Variants in ZNF324B observed in about 807,000 individuals in gnomAD.
ZNF324B encodes zinc finger protein 324B.
In ZNF324B, 7 loss-of-function variants were observed where a neutral mutation model predicts 10.6. The observed-to-expected ratio is 0.66, with a 90% CI of 0.38 to 1.24. ZNF324B has a LOEUF of 1.24. ZNF324B is among the 50% of genes most tolerant of loss of function. The probability of loss-of-function intolerance (pLI) is 0.02; values close to 1 mark genes in which losing one functional copy is unlikely to be tolerated. For missense variants in ZNF324B, 640 were observed against 764.7 expected (o/e 0.84, Z 1.92); for synonymous variants, 316 against 321.0 (o/e 0.98, Z 0.17).
chr19:58,447,094 G>A (rs1212549779), upstream of ZNF324B, among the ~76,000 whole-genome samples: 2 of 152,046 alleles, frequency 1.3e-5, no homozygotes, highest in Non-Finnish European at 2.9e-5. Context: ...TTCTGTCTCA[G>A]CCTCCCAAAT....
At chr19:58,447,482 GTATT>G (rs2052833175), upstream of ZNF324B, among the ~76,000 whole-genome samples, 1 of 152,140 alleles carries the variant, frequency 6.6e-6, no homozygotes, top group African/African-American at 2.4e-5. Flanking sequence ...ATTTTTCTAA[GTATT>G]AAGTAATTAA....
chr19:58,456,320 G>T lies in ZNF324B; in HGVS notation c.1376G>T (p.Gly459Val), dbSNP rs2052921122. ...GERPFRCVDC[G>V]KGFAKGAVLL... ...CGGCCCTTCCGCTGCGTGGACTGTG[G>T]CAAGGGTTTCGCCAAGGGCGCCGTG... The change falls in exon 4 of 4, where the codon GGC becomes GTC. Residue 459 changes from glycine to valine, a missense_variant. Gly to Val is a moderately radical substitution (Grantham distance 109, BLOSUM62 -3). This residue lies in a region of ZNF324B where 238 missense variants were observed against 258.0 expected (regional missense o/e 0.92). Coordinates refer to ENST00000336614, the MANE Select transcript of ZNF324B (RefSeq NM_207395.3). This position sits in a 1 kb window ranked among gnomAD's most constrained non-coding sequence, Gnocchi z 4.7. 1 of 1,612,730 alleles carries T rather than the reference G, an allele frequency of 6.2e-7. No homozygotes were observed. The highest frequency in any genetic ancestry group is 1.3e-5 in the African/African-American group (1 of 74,942).
the ZNF324B span, chr19:58,439,759 C>T: frequency 1.3e-6 from 2 of 1,538,040 alleles, no homozygotes; most frequent in East Asian, 5.1e-5. Flanking sequence ...CTCCACTTAC[C>T]TGCGCCGGGC....
chr19:58,421,901 A>T, the ZNF324B span, among the ~76,000 whole-genome samples: 1 of 152,080 alleles, frequency 6.6e-6, no homozygotes, highest in African/African-American at 2.4e-5. Context: ...GATTCAATGC[A>T]GTCCCAATAA....
At chr19:58,427,682 G>A in the ZNF324B span, among the ~76,000 whole-genome samples, 4 of 148,018 alleles carry the variant, frequency 2.7e-5, no homozygotes, top group Non-Finnish European at 6.0e-5. Context: ...TAGAGACAAG[G>A]TCTCATTATG....
chr19:58,423,719 A>C, the ZNF324B span, among the ~76,000 whole-genome samples: 1 of 152,204 alleles, frequency 6.6e-6, no homozygotes, highest in South Asian at 2.1e-4. Context: ...TATAATAGTC[A>C]CATAGACCAC....
At chr19:58,450,464 C>CAAAAAAAAAAAAAAA, upstream of ZNF324B, among the ~76,000 whole-genome samples, 1 of 104,884 alleles carries the variant, frequency 9.5e-6, no homozygotes, top group Non-Finnish European at 1.9e-5. Flanking sequence ...GACCCTGTCT[C>CAAAAAAAAAAAAAAA]AAAAAAAAAA....
In ZNF324B at chr19:58,455,097, G is replaced by A. The variant is rs2122359271; in HGVS notation, c.239-86G>A. ...TCCCTAAGCTTTTGTCCCGGCTCCT[G>A]GGCTCCCCCTTGCCTGTCCACTCAG... On this transcript the variant is annotated intron_variant, in intron 3 of 3. Coordinates refer to ENST00000336614, the MANE Select transcript of ZNF324B (RefSeq NM_207395.3). This position sits in a 1 kb window ranked among gnomAD's most constrained non-coding sequence, Gnocchi z 7.0. 1 of 1,572,626 alleles carries A rather than the reference G, an allele frequency of 6.4e-7. No individual in the cohort carries two copies. Among genetic ancestry groups the A allele is most frequent in the Non-Finnish European group, 8.7e-7 (1 of 1,145,984 alleles).
At chr19:58,446,099 C>A in the ZNF324B span, among the ~76,000 whole-genome samples, 1 of 152,336 alleles carries the variant, frequency 6.6e-6, no homozygotes, top group Admixed American at 6.5e-5. Context: ...CATGCCACTG[C>A]ACTCCAACCT....
upstream of ZNF324B, chr19:58,451,565 C>T: frequency 1.9e-6 from 1 of 515,278 alleles, no homozygotes; most frequent in Non-Finnish European, 3.9e-6. Context: ...GCGCAAGCGT[C>T]TGCGCGCGTA....
At chr19:58,427,510 TTC>T in the ZNF324B span, among the ~76,000 whole-genome samples, 743 of 125,652 alleles carry the variant, frequency 5.9e-3, 34 homozygotes, top group African/African-American at 0.028. Context: ...TTCTTTTTCT[TTC>T]TTTCTTTCTT....
At chr19:58,446,744 T>C (rs2052829762), upstream of ZNF324B, among the ~76,000 whole-genome samples, 1 of 151,158 alleles carries the variant, frequency 6.6e-6, no homozygotes, top group African/African-American at 2.4e-5. Flanking sequence ...GCCCGGCTAA[T>C]TTTTTGTATT....
intron 3 of ZNF324B, chr19:58,454,671 C>T: frequency 1.8e-6 from 1 of 561,240 alleles, no homozygotes; most frequent in South Asian, 2.6e-5. Context: ...TTCCTGAGGG[C>T]TTGTGGGCAT....
At position 58,455,646 on chromosome 19, in the gene ZNF324B, C is replaced by T. The variant is rs774051380; in HGVS notation, c.702C>T (p.Leu234=). The change falls in exon 4 of 4, where the codon CTC becomes CTT. Residue 234 remains leucine, a synonymous_variant. Transcript: ENST00000336614. The surrounding 1 kb of genome is among the most constrained non-coding windows in gnomAD (Gnocchi z 7.0). ...CAGCTTGGCAGGAGCCTCATAGACT[C>T]CTCGGTGGCCAGGAGCCCTCGACCT... The part of the protein sequence containing the change: ...MGAAWQEPHR[L]LGGQEPSTWD... 11 of 1,613,740 alleles carry T rather than the reference C, an allele frequency of 6.8e-6. No individual in the cohort carries two copies. In the Admixed American group the frequency reaches 1.5e-4, roughly 22 times the overall value.
intron 2 of ZNF324B, 89 bp from the exon 3 acceptor site, chr19:58,454,139 C>T (rs1375591230): frequency 5.8e-6 from 5 of 865,276 alleles, no homozygotes; most frequent in Non-Finnish European, 9.5e-6. Flanking sequence ...AGATTACTGT[C>T]TATTTCCATG....
Position 58,456,708 on chromosome 19 carries a change from C to A in ZNF324B, c.*129C>A. On this transcript the variant is annotated 3_prime_UTR_variant, in exon 4 of 4. Transcript: ENST00000336614. This position sits in a 1 kb window ranked among gnomAD's most constrained non-coding sequence, Gnocchi z 4.7. ...CCTGAGAGTCAGGGACGAGGGAGAC[C>A]CTTTGGCTGTGGTTCCATTTGCAGG... 8.2e-7 allele frequency: 1 copy of A among 1,219,132 alleles called. No individual in the cohort carries two copies. The highest frequency in any genetic ancestry group is 1.6e-5 in the South Asian group (1 of 63,806). 75.5% of individuals were successfully genotyped at this position (1,219,132 alleles called of 1,614,324 possible). A position where few individuals can be genotyped will look rare whatever the true frequency, so the allele number is the denominator to read the frequency against.
At position 58,454,328 on chromosome 19, in the gene ZNF324B, C is replaced by A; in HGVS notation, c.222C>A (p.Tyr74Ter). 4 of 1,613,428 alleles carry A rather than the reference C, an allele frequency of 2.5e-6. No homozygotes were observed. The highest frequency in any genetic ancestry group is 3.4e-6 in the Non-Finnish European group (4 of 1,179,352). The change falls in exon 3 of 4, where the codon TAC becomes TAA. Residue 74 changes from tyrosine (Y) to a stop codon, truncating the protein, a stop_gained. Transcript: ENST00000336614. LOFTEE classifies it low-confidence loss of function (END_TRUNC). ...ACATGACCCTGGCCAGGAACACCTA[C>A]GGGAGGCTCAACTCTGGTGAGTGGG... ...GKDMTLARNT[Y>*]GRLNSGSWSL...
the ZNF324B span, among the ~76,000 whole-genome samples, chr19:58,420,418 CAAAA>C: frequency 7.4e-6 from 1 of 135,062 alleles, no homozygotes; most frequent in Non-Finnish European, 1.6e-5. Context: ...GACTCTGTCT[CAAAA>C]AAAAAAAAAA....
At chr19:58,440,040 A>C in the ZNF324B span, 1 of 551,300 alleles carries the variant, frequency 1.8e-6, no homozygotes, top group South Asian at 2.4e-5. Context: ...TTAGCCGGGC[A>C]CTATGGTGCG....
Sources: gnomAD v4.1 joint callset for allele counts (sites outside exome capture counted in the v4.1 genomes callset) on GRCh38, gnomAD v4.1.1 for gene constraint, gnomAD v4.1.1 regional missense constraint, Gnocchi (gnomAD v3.1) non-coding constraint, MANE v1.5 for transcripts, NCBI Gene and HGNC (gene_info 2026-07-23, HGNC 2026-07-21) for gene names.